EML5: variants seen among roughly 807,000 people sequenced by gnomAD.
EML5 encodes echinoderm microtubule-associated protein-like 5.
EML5 carries 120 observed loss-of-function variants against 250.0 expected under a neutral mutation model. The ratio of observed to expected loss-of-function variants is 0.48; its 90% CI spans 0.41 to 0.56. EML5 has a LOEUF of 0.56. EML5 is among the 20% of genes least tolerant of loss of function. The pLI, the probability that EML5 is intolerant of heterozygous loss-of-function variation, is 0.00. For missense variants in EML5, 2,006 were observed against 2,437.6 expected, an observed-to-expected ratio of 0.82 and a Z score of 3.73; for synonymous variants, 771 against 806.5, an observed-to-expected ratio of 0.96 and a Z score of 0.75.
intron 10 of EML5, among the ~76,000 whole-genome samples, chr14:88,708,893 CAG>C (rs2093360731): frequency 6.6e-6 from 1 of 151,932 alleles, no homozygotes; most frequent in Non-Finnish European, 1.5e-5. Context: ...ACAAATATCT[CAG>C]AGAAAAAATT....
intron 21 of EML5, among the ~76,000 whole-genome samples, chr14:88,680,336 T>A (rs910451395): frequency 1.3e-5 from 2 of 152,318 alleles, no homozygotes; most frequent in Middle Eastern, 3.4e-3. Context: ...AGAAACCTTT[T>A]TTTTAAAATG....
chr14:88,633,349 G>A (rs2090543149), intron 33 of EML5, among the ~76,000 whole-genome samples: 1 of 151,794 alleles, frequency 6.6e-6, no homozygotes, highest in African/African-American at 2.4e-5. Flanking sequence ...TGAACTCCTG[G>A]CCTCGGAACT....
Position 88,661,820 on chromosome 14 carries a change from A to T in EML5, c.3509T>A (p.Ile1170Asn), listed in dbSNP as rs1250413223. 2 of 1,606,810 alleles carry T rather than the reference A, an allele frequency of 1.2e-6. No individual in the cohort carries two copies. The highest frequency in any genetic ancestry group is 1.7e-6 in the Non-Finnish European group (2 of 1,176,308). Residue 1170 changes from isoleucine to asparagine, a missense_variant, in exon 25 of 44, where the codon ATT (isoleucine) becomes AAT (asparagine). Coordinates refer to ENST00000554922, the MANE Select transcript of EML5 (RefSeq NM_183387.3). ...TACACTTGTCCATGATGCCCAAGCAATTTTTTCTACCTAAAAATGAAAAAC... is the reference window on the plus strand; with the variant it reads ...TACACTTGTCCATGATGCCCAAGCATTTTTTTCTACCTAAAAATGAAAAAC... ...QTIPSVEVEKIAWASWTSVLG... is the reference protein window; with the variant it reads ...QTIPSVEVEKNAWASWTSVLG...
At chr14:88,684,365 T>G (rs1310140262) in intron 20 of EML5, among the ~76,000 whole-genome samples, 1 of 112,476 alleles carries the variant, frequency 8.9e-6, no homozygotes, top group African/African-American at 3.6e-5. Flanking sequence ...AGAGACGGGG[T>G]TTCACCGTTT....
intron 1 of EML5, among the ~76,000 whole-genome samples, chr14:88,791,796 T>C (rs1029210861): frequency 2.0e-5 from 3 of 152,150 alleles, no homozygotes; most frequent in East Asian, 3.9e-4. Flanking sequence ...TAGCAGGCGG[T>C]GAAACCTGAA....
In EML5 at chr14:88,614,244, T is replaced by C. The variant is rs1390485951; in HGVS notation, c.*1574A>G. The stretch of plus-strand genomic sequence containing the variant: ...AATTTATTGACTGACTGTAAATACA[T>C]GAGTAGAAACTTAATAGTCATGTAT... On this transcript the variant is annotated 3_prime_UTR_variant, in exon 44 of 44. Transcript: ENST00000554922. 6.6e-6 allele frequency: 1 copy of C among 152,204 alleles called. No individual in the cohort carries two copies. The highest frequency in any genetic ancestry group is 1.5e-5 in the Non-Finnish European group (1 of 68,026). The allele number at this position is 152,204 out of a possible 1,614,324, so 9.4% of individuals were successfully genotyped here. A position where few individuals can be genotyped will look rare whatever the true frequency, so the allele number is the denominator to read the frequency against.
intron 17 of EML5, among the ~76,000 whole-genome samples, chr14:88,689,043 G>A (rs528184131): frequency 1.3e-5 from 2 of 152,246 alleles, no homozygotes; most frequent in South Asian, 2.1e-4. Context: ...TTGTTATAGA[G>A]TTTTTTACAT....
intron 10 of EML5, among the ~76,000 whole-genome samples, chr14:88,707,940 TAACA>T (rs1257889568): frequency 1.3e-5 from 2 of 152,174 alleles, no homozygotes; most frequent in Non-Finnish European, 2.9e-5. Context: ...CCAGAAATTC[TAACA>T]AATAAAATTC....
At chr14:88,759,748 A>G (rs2094213463) in intron 1 of EML5, among the ~76,000 whole-genome samples, 1 of 151,636 alleles carries the variant, frequency 6.6e-6, no homozygotes, top group African/African-American at 2.4e-5. Context: ...TAACTACAAA[A>G]TCTTCATACA....
intron 33 of EML5, among the ~76,000 whole-genome samples, chr14:88,629,314 TC>T (rs779582346): frequency 1.3e-4 from 20 of 152,226 alleles, no homozygotes; most frequent in Non-Finnish European, 2.6e-4. Context: ...TAGCAAGTAA[TC>T]TTAAATTCAA....
chr14:88,658,488 T>C, intron 25 of EML5, 100 bp from the exon 26 acceptor site: 1 of 946,764 alleles, frequency 1.1e-6, no homozygotes, highest in South Asian at 2.1e-5. Flanking sequence ...AAATTAATCA[T>C]TTCAAGTGCA....
At chr14:88,643,064 A>C (rs758180644) in intron 30 of EML5, 42 bp from the exon 31 acceptor site, 18 of 1,523,712 alleles carry the variant, frequency 1.2e-5, no homozygotes, top group Non-Finnish European at 1.6e-5. Context: ...TTCCTCATGT[A>C]TAAATGTTCA....
chr14:88,686,974 T>C (rs935699143), intron 19 of EML5, among the ~76,000 whole-genome samples: 4 of 152,262 alleles, frequency 2.6e-5, no homozygotes, highest in Admixed American at 2.0e-4. Flanking sequence ...GGAAAATTAA[T>C]GTTAAAATTA....
intron 17 of EML5, among the ~76,000 whole-genome samples, chr14:88,692,260 C>A (rs1011351554): frequency 4.6e-5 from 7 of 151,960 alleles, no homozygotes; most frequent in African/African-American, 1.7e-4. Context: ...ACCTGTAATC[C>A]CAGTTACTCA....
intron 2 of EML5, among the ~76,000 whole-genome samples, chr14:88,750,971 G>C (rs146425623): frequency 6.6e-6 from 1 of 152,236 alleles, no homozygotes; most frequent in East Asian, 1.9e-4. Context: ...CCTCTGTCTG[G>C]TATAGCTCAT....
At chr14:88,744,220 C>T in intron 3 of EML5, 129 bp from the exon 4 acceptor site, 1 of 469,876 alleles carries the variant, frequency 2.1e-6, no homozygotes, top group South Asian at 5.9e-5. Context: ...TAATCAACAT[C>T]CCACACTTCA....
In EML5 at chr14:88,792,060, C is replaced by T. The variant is rs1337875199; in HGVS notation, c.197+247G>A. ...TGGGAAAGGGGACAAAGCCGTCAAACCGGGTGCCCGGTGGATCCGCGGACC... is the reference window on the plus strand; with the variant it reads ...TGGGAAAGGGGACAAAGCCGTCAAATCGGGTGCCCGGTGGATCCGCGGACC... On this transcript the variant is annotated intron_variant, in intron 1 of 43. Transcript: ENST00000554922. The surrounding 1 kb of genome is among the most constrained non-coding windows in gnomAD (Gnocchi z 6.9). 2.6e-5 allele frequency among the ~76,000 whole-genome samples: 4 copies of T among 152,246 alleles called. No individual in the cohort carries two copies. Among genetic ancestry groups the T allele is most frequent in the Non-Finnish European group, 4.4e-5 (3 of 68,042 alleles).
At chr14:88,772,494 A>G (rs775218856) in intron 1 of EML5, among the ~76,000 whole-genome samples, 8 of 152,332 alleles carry the variant, frequency 5.3e-5, no homozygotes, top group Non-Finnish European at 1.2e-4. Flanking sequence ...GAGGTAGCTC[A>G]TGCCTGTAAC....
intron 24 of EML5, among the ~76,000 whole-genome samples, chr14:88,662,352 T>G (rs959977765): frequency 1.4e-5 from 2 of 142,076 alleles, no homozygotes; most frequent in Non-Finnish European, 3.0e-5. Context: ...TTTTTTTTTT[T>G]TTTTTTTTTT....
Sources: gnomAD v4.1 joint callset for allele counts (sites outside exome capture counted in the v4.1 genomes callset) on GRCh38, gnomAD v4.1.1 for gene constraint, Gnocchi (gnomAD v3.1) non-coding constraint, MANE v1.5 for transcripts, NCBI Gene and HGNC (gene_info 2026-07-23, HGNC 2026-07-21) for gene names.